Variants in CLDN19 observed in about 807,000 individuals in gnomAD.
The protein encoded by CLDN19 is claudin-19.
In CLDN19, 19 loss-of-function variants were observed where a neutral mutation model predicts 24.5. The observed-to-expected ratio is 0.78, with a 90% confidence interval of 0.54 to 1.14. CLDN19 has a LOEUF of 1.14. CLDN19 is among the 50% of genes most tolerant of loss of function. The pLI is 0.00. For missense variants in CLDN19, 250 were observed against 295.9 expected (o/e 0.84, Z 1.14); for synonymous variants, 117 against 129.6 (o/e 0.90, Z 0.66).
chr1:42,733,138 G>C lies in CLDN19; in HGVS notation c.*1948C>G, dbSNP rs1192721334. The stretch of plus-strand genomic sequence containing the variant: ...CATCCAGGATGGTGTGCAGTGGCAC[G>C]ATCTTGGCTGACTGCAACCTCCACC... On this transcript the variant is annotated 3_prime_UTR_variant, in exon 5 of 5. Transcript: ENST00000296387. The C allele has an allele frequency of 7.8e-6, 1 of 127,400 alleles. No homozygotes were observed. The highest frequency in any genetic ancestry group is 3.0e-5 in the African/African-American group (1 of 33,006). 7.9% of individuals were successfully genotyped at this position (127,400 alleles called of 1,614,324 possible).
At chr1:42,739,791 C>A in intron 1 of CLDN19, 50 bp downstream of exon 1, 3 of 1,514,224 alleles carry the variant, frequency 2.0e-6, no homozygotes, top group South Asian at 1.1e-5. Context: ...GCTCCAGACT[C>A]CCCTGCTGTT....
Position 42,739,823 on chromosome 1 carries a change from C to T in CLDN19, c.223+18G>A, listed in dbSNP as rs759972406. On this transcript the variant is annotated intron_variant, in intron 1 of 4. Transcript: ENST00000296387. ...TGTTCCCACCTCCCATCTCCCACCC[C>T]GCCGGCCTGGGGCCTACCGTCCAGG... 33 of 1,609,452 alleles carry T rather than the reference C, an allele frequency of 2.1e-5. No individual in the cohort carries two copies. Among genetic ancestry groups the T allele is most frequent in the Non-Finnish European group, 2.5e-5 (29 of 1,177,746 alleles).
Position 42,738,628 on chromosome 1 carries a change from G to A in CLDN19, c.224-43C>T. The A allele has an allele frequency of 2.5e-6, 4 of 1,598,248 alleles. No individual in the cohort carries two copies. In the South Asian group the frequency reaches 3.3e-5, roughly 13 times the overall value. ...ACACTGAGTCGGGCTGGCGGGGATG[G>A]GGGTTGGGTCGGTGCCTGGGGTCGG... On this transcript the variant is annotated intron_variant, in intron 1 of 4. Transcript: ENST00000296387.
Position 42,739,827 on chromosome 1 carries a change from G to C in CLDN19, c.223+14C>G. 1 of 1,610,784 alleles carries C rather than the reference G, an allele frequency of 6.2e-7. No homozygotes were observed. Among genetic ancestry groups the C allele is most frequent in the South Asian group, 1.1e-5 (1 of 90,810 alleles). ...CCCACCTCCCATCTCCCACCCCGCC[G>C]GCCTGGGGCCTACCGTCCAGGGCGA... On this transcript the variant is annotated intron_variant, in intron 1 of 4. Coordinates refer to ENST00000296387, the MANE Select transcript of CLDN19 (RefSeq NM_148960.3).
intron 3 of CLDN19, among the ~76,000 whole-genome samples, chr1:42,736,340 C>A (rs1180754577): frequency 6.6e-6 from 1 of 152,174 alleles, no homozygotes; most frequent in Non-Finnish European, 1.5e-5. Context: ...CATGGGAGGG[C>A]CTGAGAGGTC....
rs780859720 is a variant in CLDN19, at chr1:42,739,935, G to A, written c.129C>T (p.Ala43=). The change falls in exon 1 of 5, where the codon GCC becomes GCT. Residue 43 remains alanine (A), a synonymous_variant. Transcript: ENST00000296387. Reference sequence around the variant, plus strand: ...TCCAGAGCCCTTCATAGAGGCCCACGGCAGTGATGATGGCGTCGCCTGCGT... The same window carrying A: ...TCCAGAGCCCTTCATAGAGGCCCACAGCAGTGATGATGGCGTCGCCTGCGT... The part of the protein sequence containing the change: ...SSYAGDAIIT[A]VGLYEGLWMS... 66 of 1,610,968 alleles carry A rather than the reference G, an allele frequency of 4.1e-5. No homozygotes were observed. Among genetic ancestry groups the A allele is most frequent in the Middle Eastern group, 3.3e-4 (2 of 6,078 alleles).
chr1:42,738,566 C>T lies in CLDN19; in HGVS notation c.243G>A (p.Arg81=), dbSNP rs1299357363. The change falls in exon 2 of 5, where the codon CGG becomes CGA. Residue 81 remains arginine (R), a synonymous_variant. Coordinates refer to ENST00000296387, the MANE Select transcript of CLDN19 (RefSeq NM_148960.3). ...LALDGHIQSA[R]ALMVVAVLLG... ...GGAGCACGGCCACCACCATCAGGGC[C>T]CGCGCTGATTGGATGTGACCTAGGG... is the stretch of plus-strand genomic sequence containing the variant. The T allele has an allele frequency of 6.2e-7, 1 of 1,613,700 alleles. No individual in the cohort carries two copies. The highest frequency in any genetic ancestry group is 8.5e-7 in the Non-Finnish European group (1 of 1,180,026).
At position 42,735,804 on chromosome 1, in the gene CLDN19, C is replaced by T. The variant is rs1285270660; in HGVS notation, c.626+74G>A. 13 of 1,547,272 alleles carry T rather than the reference C, an allele frequency of 8.4e-6. 1 individual carries two copies. The Middle Eastern group carries it at 5.2e-4, about 61-fold the overall frequency. On this transcript the variant is annotated intron_variant, in intron 4 of 4. Coordinates refer to ENST00000296387, the MANE Select transcript of CLDN19 (RefSeq NM_148960.3). Reference sequence around the variant, plus strand: ...CCCAGTGGCCCTGCCCAGGGTGCTGCGAGGCTGGCTGGATGCTGGGCAAGG... The same window carrying T: ...CCCAGTGGCCCTGCCCAGGGTGCTGTGAGGCTGGCTGGATGCTGGGCAAGG...
rs780082160 is a variant in CLDN19, at chr1:42,739,841, C to T, written c.223G>A (p.Gly75Ser). The part of the protein sequence containing the change: ...KLYDSLLALD[G>S]HIQSARALMV... ...CCCACCCCGCCGGCCTGGGGCCTACCGTCCAGGGCGAGCAGCGAGTCGTAG... is the reference window on the plus strand; with the variant it reads ...CCCACCCCGCCGGCCTGGGGCCTACTGTCCAGGGCGAGCAGCGAGTCGTAG... Residue 75 changes from glycine (G) to serine (S), a missense_variant and splice_region_variant, in exon 1 of 5, where the codon GGT becomes AGT. Gly to Ser is a moderately conservative substitution (Grantham distance 56). Transcript: ENST00000296387. 4.3e-6 allele frequency: 7 copies of T among 1,612,390 alleles called. No individual in the cohort carries two copies. The highest frequency in any genetic ancestry group is 1.6e-4 in the Middle Eastern group (1 of 6,076).
chr1:42,735,332 C>T (rs1651325274), intron 4 of CLDN19, 198 bp from the exon 5 acceptor site: 2 of 1,460,064 alleles, frequency 1.4e-6, no homozygotes, highest in Non-Finnish European at 1.8e-6. Context: ...GGCCCCCAGC[C>T]CTGGGCGCAC....
At chr1:42,735,853 C>T in intron 4 of CLDN19, 25 bp downstream of exon 4, 1 of 1,566,250 alleles carries the variant, frequency 6.4e-7, no homozygotes, top group Non-Finnish European at 8.7e-7. Flanking sequence ...GGGGGCTGGC[C>T]AGGGCAGGCG....
Position 42,734,904 on chromosome 1 carries a change from T to C in CLDN19, c.*182A>G. On this transcript the variant is annotated 3_prime_UTR_variant, in exon 5 of 5. Coordinates refer to ENST00000296387, the MANE Select transcript of CLDN19 (RefSeq NM_148960.3). ...CACCCTGGACCTCTGTCTCCTCATC[T>C]TTCTGCCCAAGAGCCCCAGGGGTCA... 1 of 627,004 alleles carries C rather than the reference T, an allele frequency of 1.6e-6. No individual in the cohort carries two copies. Among genetic ancestry groups the C allele is most frequent in the Non-Finnish European group, 2.9e-6 (1 of 343,720 alleles). The allele number at this position is 627,004 out of a possible 1,614,324, so 38.8% of individuals were successfully genotyped here. A position where few individuals can be genotyped will look rare whatever the true frequency, so the allele number is the denominator to read the frequency against.
chr1:42,735,371 C>A, intron 4 of CLDN19: 1 of 1,435,264 alleles, frequency 7.0e-7, no homozygotes. Flanking sequence ...AAACTCAGAC[C>A]CTCCCTGTCC....
In CLDN19 at chr1:42,735,171, G is replaced by C. The variant is rs1290915035; in HGVS notation, c.627-37C>G. The C allele has an allele frequency of 1.9e-6, 3 of 1,612,780 alleles. No homozygotes were observed. The African/African-American group carries it at 4.0e-5, about 22-fold the overall frequency. On this transcript the variant is annotated intron_variant, in intron 4 of 4. Transcript: ENST00000296387. ...AAGAGAGAGAGCTGGTTAGTGGAGTGAGCTGTGGGGTCGGGGGCAGGGGCT... is the reference window on the plus strand; with the variant it reads ...AAGAGAGAGAGCTGGTTAGTGGAGTCAGCTGTGGGGTCGGGGGCAGGGGCT...
chr1:42,738,567 C>T lies in CLDN19; in HGVS notation c.242G>A (p.Arg81Gln), dbSNP rs901442993. 4 of 1,613,618 alleles carry T rather than the reference C, an allele frequency of 2.5e-6. No individual in the cohort carries two copies. The African/African-American group carries it at 4.0e-5, about 16-fold the overall frequency. The change falls in exon 2 of 5, where the codon CGG becomes CAG. Residue 81 changes from arginine (R) to glutamine (Q), a missense_variant. By Grantham distance (43) the Arg-to-Gln change is conservative. Coordinates refer to ENST00000296387, the MANE Select transcript of CLDN19 (RefSeq NM_148960.3). ...GAGCACGGCCACCACCATCAGGGCCCGCGCTGATTGGATGTGACCTAGGGT... is the reference window on the plus strand; with the variant it reads ...GAGCACGGCCACCACCATCAGGGCCTGCGCTGATTGGATGTGACCTAGGGT... The part of the protein sequence containing the change: ...LALDGHIQSA[R>Q]ALMVVAVLLG...
intron 3 of CLDN19, among the ~76,000 whole-genome samples, chr1:42,737,990 G>A (rs1651425577): frequency 6.6e-6 from 1 of 151,826 alleles, no homozygotes; most frequent in Non-Finnish European, 1.5e-5. Flanking sequence ...GCCAGAGCTG[G>A]GATTGAAACC....
intron 4 of CLDN19, 152 bp downstream of exon 4, chr1:42,735,726 T>C: frequency 6.1e-6 from 9 of 1,467,072 alleles, no homozygotes; most frequent in Non-Finnish European, 8.1e-6. Flanking sequence ...GATTGCAGGG[T>C]GGGTGCTTGT....
intron 3 of CLDN19, 120 bp downstream of exon 3, chr1:42,738,109 T>A (rs1651429623): frequency 1.1e-6 from 1 of 939,976 alleles, no homozygotes; most frequent in East Asian, 2.5e-5. Flanking sequence ...GGCGCCCCCC[T>A]TTAAAGCTTC....
intron 3 of CLDN19, among the ~76,000 whole-genome samples, chr1:42,737,065 G>A (rs1004612285): frequency 6.6e-6 from 1 of 152,184 alleles, no homozygotes; most frequent in Admixed American, 6.5e-5. Flanking sequence ...AAAGCCCATT[G>A]GGATGTCTAG....
Sources: allele counts gnomAD v4.1 joint callset (sites outside exome capture counted in the v4.1 genomes callset), GRCh38; gene constraint gnomAD v4.1.1; transcripts MANE v1.5; gene names NCBI Gene and HGNC (gene_info 2026-07-23, HGNC 2026-07-21).